The following SYT1 variants were observed in gnomAD, a reference collection of about 807,000 sequenced individuals.
The protein encoded by SYT1 is synaptotagmin-1.
SYT1 carries 8 observed loss-of-function variants against 44.8 expected under a neutral mutation model. That is an observed-to-expected ratio of 0.18 (90% CI 0.10 to 0.32). SYT1 has a LOEUF of 0.32. Among genes scored for constraint, SYT1 ranks in the 10% least tolerant of loss-of-function variants. The pLI is 1.00. For missense variants in SYT1, 286 were observed against 509.3 expected (o/e 0.56, Z 4.22); for synonymous variants, 154 against 188.8 (o/e 0.82, Z 1.51).
intron 8 of SYT1, among the ~76,000 whole-genome samples, chr12:79,305,113 C>G (rs1455133942): frequency 6.6e-6 from 1 of 152,132 alleles, no homozygotes; most frequent in Non-Finnish European, 1.5e-5. Context: ...AAATATCTCT[C>G]TAGTATGTAG....
chr12:79,274,948 C>A (rs1238738195), intron 4 of SYT1, among the ~76,000 whole-genome samples: 1 of 152,168 alleles, frequency 6.6e-6, no homozygotes, highest in African/African-American at 2.4e-5. Flanking sequence ...TTGCACCTGC[C>A]ACTGGGAGAC....
intron 8 of SYT1, among the ~76,000 whole-genome samples, chr12:79,318,465 G>A (rs535988617): frequency 1.3e-5 from 2 of 152,268 alleles, no homozygotes; most frequent in East Asian, 3.9e-4. Flanking sequence ...TATGTTATAT[G>A]CAAGAATAAA....
At chr12:78,940,078 C>T (rs555015496) in intron 1 of SYT1, among the ~76,000 whole-genome samples, 93 of 152,218 alleles carry the variant, frequency 6.1e-4, no homozygotes, top group Non-Finnish European at 1.2e-3. Context: ...GCAGCATTTG[C>T]CATCTCTCTA....
At chr12:79,432,586 G>A (rs1375057512) in intron 9 of SYT1, among the ~76,000 whole-genome samples, 1 of 152,150 alleles carries the variant, frequency 6.6e-6, no homozygotes, top group African/African-American at 2.4e-5. Context: ...GGGTAGCACA[G>A]GGAAAGAAAC....
intron 3 of SYT1, among the ~76,000 whole-genome samples, chr12:79,181,602 T>C (rs1872551308): frequency 6.6e-6 from 1 of 152,012 alleles, no homozygotes; most frequent in Non-Finnish European, 1.5e-5. Context: ...GACCCTATGA[T>C]CTGATTTCTC....
intron 3 of SYT1, among the ~76,000 whole-genome samples, chr12:79,195,324 A>C (rs1203462723): frequency 6.6e-6 from 1 of 152,140 alleles, no homozygotes; most frequent in Non-Finnish European, 1.5e-5. Flanking sequence ...AGAGTCCAAA[A>C]ATTTTAACTA....
intron 9 of SYT1, among the ~76,000 whole-genome samples, chr12:79,383,990 G>A (rs1294663356): frequency 1.3e-5 from 2 of 152,110 alleles, no homozygotes; most frequent in Non-Finnish European, 2.9e-5. Flanking sequence ...TATTATTTGT[G>A]TCCTAACTAT....
intron 2 of SYT1, among the ~76,000 whole-genome samples, chr12:78,995,087 C>T (rs1870284676): frequency 6.6e-6 from 1 of 152,134 alleles, no homozygotes; most frequent in South Asian, 2.1e-4. Flanking sequence ...GGGTTTCACT[C>T]CCAAGATTCT....
intron 3 of SYT1, among the ~76,000 whole-genome samples, chr12:79,147,099 A>G (rs943532671): frequency 1.3e-5 from 2 of 152,240 alleles, no homozygotes; most frequent in Non-Finnish European, 2.9e-5. Context: ...TTGGCCTCCC[A>G]AAGTGCTGGG....
At chr12:79,319,017 G>T (rs150241383) in intron 8 of SYT1, among the ~76,000 whole-genome samples, 2 of 152,296 alleles carry the variant, frequency 1.3e-5, no homozygotes, top group South Asian at 4.1e-4. Context: ...AGAATCAGAG[G>T]AGAGATGTAC....
chr12:79,207,594 T>G (rs1874202379), intron 3 of SYT1, among the ~76,000 whole-genome samples: 1 of 151,980 alleles, frequency 6.6e-6, no homozygotes. Context: ...CAGCTCCCAC[T>G]TATGAGTGAG....
chr12:79,128,553 A>C (rs984375630), intron 3 of SYT1, among the ~76,000 whole-genome samples: 1 of 152,242 alleles, frequency 6.6e-6, no homozygotes, highest in South Asian at 2.1e-4. Context: ...GGTGCACTCA[A>C]GTTGCAAGGA....
intron 8 of SYT1, among the ~76,000 whole-genome samples, chr12:79,324,517 A>G (rs369562332): frequency 6.6e-6 from 1 of 152,184 alleles, no homozygotes; most frequent in Non-Finnish European, 1.5e-5. Flanking sequence ...ATCTGGTAAG[A>G]TTCTTTTTCT....
chr12:78,951,812 C>T (rs1302487126), intron 1 of SYT1, among the ~76,000 whole-genome samples: 4 of 152,090 alleles, frequency 2.6e-5, no homozygotes, highest in Admixed American at 6.6e-5. Flanking sequence ...TCGCAACCTC[C>T]GTGCAGCTCC....
chr12:79,066,352 T>C (rs1264957889), intron 3 of SYT1, among the ~76,000 whole-genome samples: 1 of 152,056 alleles, frequency 6.6e-6, no homozygotes, highest in Non-Finnish European at 1.5e-5. Flanking sequence ...TAAGCAAACC[T>C]ATAAACCTGA....
At chr12:78,972,842 T>A (rs1208361021) in intron 1 of SYT1, among the ~76,000 whole-genome samples, 1 of 152,068 alleles carries the variant, frequency 6.6e-6, no homozygotes, top group Non-Finnish European at 1.5e-5. Flanking sequence ...AAATAAAGGG[T>A]GCCAGACAGT....
At chr12:79,248,907 A>G (rs1192194772) in intron 4 of SYT1, among the ~76,000 whole-genome samples, 1 of 152,068 alleles carries the variant, frequency 6.6e-6, no homozygotes, top group Non-Finnish European at 1.5e-5. Context: ...TGTGAAATTA[A>G]TTATCTGTTT....
chr12:78,929,203 A>AC (rs1877476552), intron 1 of SYT1, among the ~76,000 whole-genome samples: 2 of 151,674 alleles, frequency 1.3e-5, no homozygotes, highest in Admixed American at 6.6e-5. Context: ...GGAGTTCAAG[A>AC]CCAGTCTAGC....
At chr12:79,251,808 G>A (rs530424135) in intron 4 of SYT1, among the ~76,000 whole-genome samples, 17 of 152,200 alleles carry the variant, frequency 1.1e-4, no homozygotes, top group African/African-American at 4.1e-4. Context: ...GTTTTATGGA[G>A]GAAAACCTGC....
Sources: gnomAD v4.1 joint callset for allele counts (sites outside exome capture counted in the v4.1 genomes callset) on GRCh38, gnomAD v4.1.1 for gene constraint, MANE v1.5 for transcripts, NCBI Gene and HGNC (gene_info 2026-07-23, HGNC 2026-07-21) for gene names.